NCF2: variants seen among roughly 807,000 people sequenced by gnomAD.
NCF2 encodes the protein neutrophil cytosol factor 2.
A neutral mutation model predicts 70.9 loss-of-function variants in NCF2; 45 were observed. The observed-to-expected ratio is 0.63, with a 90% confidence interval of 0.50 to 0.81. The LOEUF (loss-of-function observed/expected upper bound fraction) is 0.81. Among genes scored for constraint, NCF2 ranks in the 40% least tolerant of loss-of-function variants. The probability of loss-of-function intolerance (pLI) is 0.00; values close to 1 mark genes in which losing one functional copy is unlikely to be tolerated. For synonymous variants in NCF2, 203 were observed against 233.6 expected (o/e 0.87, Z 1.19); for missense variants, 522 against 631.6 (o/e 0.83, Z 1.86).
At chr1:183,587,791 T>G (rs1334283968) in intron 1 of NCF2, among the ~76,000 whole-genome samples, 1 of 152,078 alleles carries the variant, frequency 6.6e-6, no homozygotes, top group African/African-American at 2.4e-5. Flanking sequence ...TGTAACTGTC[T>G]CTGACCTTCT....
intron 2 of NCF2, among the ~76,000 whole-genome samples, chr1:183,582,697 C>A (rs989233653): frequency 3.3e-5 from 5 of 152,182 alleles, no homozygotes; most frequent in Admixed American, 1.3e-4. Context: ...TCCAAGTCAG[C>A]AGGAAGAAGG....
chr1:183,571,148 C>T (rs1010925853), intron 5 of NCF2, among the ~76,000 whole-genome samples: 7 of 129,958 alleles, frequency 5.4e-5, no homozygotes, highest in Non-Finnish European at 9.4e-5. Context: ...GACGGAGTCA[C>T]GCTCTGTTAC....
At chr1:183,595,475 A>T (rs1673748483), upstream of NCF2, among the ~76,000 whole-genome samples, 1 of 152,176 alleles carries the variant, frequency 6.6e-6, no homozygotes, top group East Asian at 1.9e-4. Flanking sequence ...CACAGTTTTC[A>T]TGGGTCAGGA....
In NCF2 at chr1:183,560,225, C is replaced by T. The variant is rs771532464; in HGVS notation, c.1339G>A (p.Ala447Thr). ...TGAGGTTCTGTTGTCTGGTTATTAG[C>T]ATCAGCTTTTTCACTTTCCTTGGGT... ...DEPKESEKADANNQTTEPQLK... is the reference protein window; with the variant it reads ...DEPKESEKADTNNQTTEPQLK... The change falls in exon 14 of 15, where the codon GCT becomes ACT. Residue 447 changes from alanine (A) to threonine (T), a missense_variant. Physicochemically the swap from Ala to Thr is moderately conservative, Grantham distance 58. Coordinates refer to ENST00000367535, the MANE Select transcript of NCF2 (RefSeq NM_000433.4). 8 of 1,614,046 alleles carry T rather than the reference C, an allele frequency of 5.0e-6. No individual in the cohort carries two copies. The South Asian group carries it at 7.7e-5, about 16-fold the overall frequency.
At chr1:183,562,959 G>T (rs1473977461) in intron 13 of NCF2, among the ~76,000 whole-genome samples, 2 of 152,190 alleles carry the variant, frequency 1.3e-5, no homozygotes, top group Non-Finnish European at 2.9e-5. Context: ...AGGGGCAGGA[G>T]GCTTTCTGTG....
Position 183,577,581 on chromosome 1 carries a change from A to T in NCF2, c.366+18T>A. On this transcript the variant is annotated intron_variant, in intron 3 of 14. Coordinates refer to ENST00000367535, the MANE Select transcript of NCF2 (RefSeq NM_000433.4). ...GCCATGATCCCCTCCTGCCCAGGCC[A>T]GGCCCTGTTCTCCTTACCTCACAGG... 1.9e-6 allele frequency: 3 copies of T among 1,564,138 alleles called. No individual in the cohort carries two copies. Among genetic ancestry groups the T allele is most frequent in the Non-Finnish European group, 2.6e-6 (3 of 1,134,676 alleles).
At chr1:183,595,453 C>CATGTACT, upstream of NCF2, among the ~76,000 whole-genome samples, 1 of 152,334 alleles carries the variant, frequency 6.6e-6, no homozygotes, top group Admixed American at 6.5e-5. Context: ...AAATAACACA[C>CATGTACT]ATGTACTATG....
At chr1:183,583,138 T>C (rs749472654) in intron 2 of NCF2, among the ~76,000 whole-genome samples, 1 of 152,154 alleles carries the variant, frequency 6.6e-6, no homozygotes, top group African/African-American at 2.4e-5. Context: ...CTGCAACATC[T>C]GCCTCCCAGG....
intron 2 of NCF2, among the ~76,000 whole-genome samples, chr1:183,579,503 G>A (rs954379273): frequency 1.3e-5 from 2 of 152,016 alleles, no homozygotes; most frequent in Non-Finnish European, 2.9e-5. Flanking sequence ...GAGGCGGGTG[G>A]ATCACGAGGT....
At chr1:183,572,251 C>A (rs1672600262) in intron 5 of NCF2, among the ~76,000 whole-genome samples, 1 of 152,220 alleles carries the variant, frequency 6.6e-6, no homozygotes, top group Non-Finnish European at 1.5e-5. Flanking sequence ...ATGGCATGAT[C>A]TCAGCTCACT....
chr1:183,559,608 C>T (rs949936858), intron 14 of NCF2, among the ~76,000 whole-genome samples: 3 of 152,110 alleles, frequency 2.0e-5, no homozygotes, highest in Admixed American at 6.6e-5. Flanking sequence ...CCTGTAATCT[C>T]AGTACTTTAG....
intron 8 of NCF2, 83 bp downstream of exon 8, chr1:183,567,121 A>G: frequency 6.2e-7 from 1 of 1,606,880 alleles, no homozygotes; most frequent in South Asian, 1.1e-5. Context: ...TCTGCAAAGA[A>G]GGCAGCAGAT....
In NCF2 at chr1:183,570,764, G is replaced by C. The variant is rs1672508351; in HGVS notation, c.669+16C>G. The C allele has an allele frequency of 6.2e-7, 1 of 1,613,698 alleles. No homozygotes were observed. Reference sequence around the variant, plus strand: ...CTCGAGACCTAGGTCCATGGAGAAGGTCAGGACTGCCTTACCTGTGGTTGC... The same window carrying C: ...CTCGAGACCTAGGTCCATGGAGAAGCTCAGGACTGCCTTACCTGTGGTTGC... On this transcript the variant is annotated intron_variant, in intron 6 of 14. Coordinates refer to ENST00000367535, the MANE Select transcript of NCF2 (RefSeq NM_000433.4).
intron 1 of NCF2, 81 bp from the exon 2 acceptor site, chr1:183,587,058 A>G: frequency 7.4e-7 from 1 of 1,350,960 alleles, no homozygotes; most frequent in Non-Finnish European, 1.1e-6. Flanking sequence ...ACAGAGCCCT[A>G]GCTCCCTGTG....
chr1:183,561,832 C>T (rs943081121), intron 13 of NCF2, among the ~76,000 whole-genome samples: 16 of 112,464 alleles, frequency 1.4e-4, no homozygotes, highest in African/African-American at 5.4e-4. Flanking sequence ...CAGAATCTCT[C>T]TGTCACCCAG....
chr1:183,574,489 A>G lies in NCF2; in HGVS notation c.499T>C (p.Trp167Arg). ...SKIDKAMECV[W>R]KQKLYEPVVI... ...ACCTGCATCACCAATACGCTTACCC[A>G]GACACACTCCATCGCCTTGTCGATT... Residue 167 changes from tryptophan (W) to arginine (R), a missense_variant and splice_region_variant, in exon 4 of 15, where the codon TGG (tryptophan) becomes CGG (arginine). Physicochemically the swap from Trp to Arg is moderately radical, Grantham distance 101 (BLOSUM62 -3). Transcript: ENST00000367535. 1 of 1,614,210 alleles carries G rather than the reference A, an allele frequency of 6.2e-7. No homozygotes were observed. Among genetic ancestry groups the G allele is most frequent in the Non-Finnish European group, 8.5e-7 (1 of 1,180,038 alleles).
intron 6 of NCF2, 136 bp from the exon 7 acceptor site, chr1:183,569,321 C>T: frequency 1.2e-6 from 1 of 845,122 alleles, no homozygotes; most frequent in South Asian, 1.4e-5. Flanking sequence ...CTGATGAGAA[C>T]ACTGTCTAGG....
Position 183,563,508 on chromosome 1 carries a change from G to A in NCF2, c.1104C>T (p.Pro368=), listed in dbSNP as rs541838904. Residue 368 remains proline (P), a synonymous_variant, in exon 12 of 15, where the codon CCC becomes CCT. Coordinates refer to ENST00000367535, the MANE Select transcript of NCF2 (RefSeq NM_000433.4). Reference sequence around the variant, plus strand: ...CCCGGACCTGGCTGTAGGGGAGCCCGGGCTGAGTCTTCATGACTACCGTGT... The same window carrying A: ...CCCGGACCTGGCTGTAGGGGAGCCCAGGCTGAGTCTTCATGACTACCGTGT... ...YKYTVVMKTQ[P]GLPYSQVRDM... is the part of the protein sequence containing the mutation. The A allele has an allele frequency of 1.4e-5, 23 of 1,614,018 alleles. No individual in the cohort carries two copies. The highest frequency in any genetic ancestry group is 3.3e-5 in the South Asian group (3 of 91,086).
At chr1:183,584,587 G>T (rs1193740021) in intron 2 of NCF2, among the ~76,000 whole-genome samples, 3 of 152,168 alleles carry the variant, frequency 2.0e-5, no homozygotes, top group African/African-American at 4.8e-5. Flanking sequence ...AATTCTTTCT[G>T]GGAGCCTTCA....
Sources: gnomAD v4.1 joint callset for allele counts (sites outside exome capture counted in the v4.1 genomes callset) on GRCh38, gnomAD v4.1.1 for gene constraint, MANE v1.5 for transcripts, NCBI Gene and HGNC (gene_info 2026-07-23, HGNC 2026-07-21) for gene names.